ZNF804B: variants seen among roughly 807,000 people sequenced by gnomAD.
ZNF804B encodes the protein zinc finger protein 804B.
In ZNF804B, 80 loss-of-function variants were observed where a neutral mutation model predicts 101.4. That is an observed-to-expected ratio of 0.79 (90% CI 0.66 to 0.95). The LOEUF is 0.95. Among genes scored for constraint, ZNF804B ranks in the 40% least tolerant of loss-of-function variants. ZNF804B has a pLI of 0.00. For synonymous variants in ZNF804B, 622 were observed against 558.8 expected, an observed-to-expected ratio of 1.11 and a Z score of -1.59; for missense variants, 1,673 against 1,561.9, an observed-to-expected ratio of 1.07 and a Z score of -1.20.
chr7:88,845,355 C>G (rs1022569618), intron 1 of ZNF804B, among the ~76,000 whole-genome samples: 21 of 151,828 alleles, frequency 1.4e-4, no homozygotes, highest in African/African-American at 4.6e-4. Flanking sequence ...TATGCCACCT[C>G]TTGTCCACCT....
intron 1 of ZNF804B, among the ~76,000 whole-genome samples, chr7:88,845,299 G>T (rs111850469): frequency 2.2e-5 from 3 of 138,400 alleles, no homozygotes; most frequent in Non-Finnish European, 4.9e-5. Context: ...GCGCACGCGC[G>T]CGCACACACA....
intron 1 of ZNF804B, among the ~76,000 whole-genome samples, chr7:89,092,868 T>C (rs1287028593): frequency 6.6e-6 from 1 of 152,184 alleles, no homozygotes; most frequent in Non-Finnish European, 1.5e-5. Flanking sequence ...TTCCTTTTAT[T>C]GGAGGGTAGT....
At chr7:89,175,651 GCTTTTGGTAGTA>G (rs1791306252) in intron 1 of ZNF804B, among the ~76,000 whole-genome samples, 1 of 149,956 alleles carries the variant, frequency 6.7e-6, no homozygotes, top group Non-Finnish European at 1.5e-5. Context: ...TGTGTAGATT[GCTTTTGGTAGTA>G]TGCACATTTT....
intron 1 of ZNF804B, among the ~76,000 whole-genome samples, chr7:89,093,857 G>A (rs1242115725): frequency 1.3e-5 from 2 of 152,186 alleles, no homozygotes; most frequent in East Asian, 3.9e-4. Flanking sequence ...AGGCATTCAA[G>A]CAAATGACCA....
At position 89,327,518 on chromosome 7, in the gene ZNF804B, C is replaced by G. The variant is rs760899964; in HGVS notation, c.380+44C>G. The G allele has an allele frequency of 1.9e-6, 3 of 1,580,370 alleles. No homozygotes were observed. In the African/African-American group the frequency reaches 4.1e-5, roughly 22 times the overall value. ...TGGGATGCTTCAAAACTCTCGTCAACCTATGGGGAAATTTTAAAGGCAAAT... is the reference window on the plus strand; with the variant it reads ...TGGGATGCTTCAAAACTCTCGTCAAGCTATGGGGAAATTTTAAAGGCAAAT... On this transcript the variant is annotated intron_variant, in intron 3 of 3. Transcript: ENST00000333190.
intron 1 of ZNF804B, among the ~76,000 whole-genome samples, chr7:88,959,593 T>C (rs557510315): frequency 1.3e-5 from 2 of 151,444 alleles, no homozygotes; most frequent in Non-Finnish European, 3.0e-5. Context: ...CTCTGATACC[T>C]GGTTTCTGCC....
intron 2 of ZNF804B, among the ~76,000 whole-genome samples, chr7:89,291,882 G>C (rs188260392): frequency 1.8e-3 from 271 of 152,184 alleles, no homozygotes; most frequent in Non-Finnish European, 2.8e-3. Flanking sequence ...CCTAAAAGCA[G>C]CAAGAGAAAA....
chr7:89,218,689 T>G (rs1788932993), intron 2 of ZNF804B, among the ~76,000 whole-genome samples: 1 of 152,164 alleles, frequency 6.6e-6, no homozygotes, highest in Non-Finnish European at 1.5e-5. Context: ...AGGAAGAAGT[T>G]TACTGTAACA....
chr7:89,190,587 A>G (rs1040409846), intron 1 of ZNF804B, among the ~76,000 whole-genome samples: 2 of 152,146 alleles, frequency 1.3e-5, no homozygotes, highest in Admixed American at 6.6e-5. Context: ...AGGTTTTGAG[A>G]GGTTTCACTC....
intron 1 of ZNF804B, among the ~76,000 whole-genome samples, chr7:88,921,648 G>C (rs945630368): frequency 2.0e-5 from 3 of 152,014 alleles, no homozygotes; most frequent in African/African-American, 7.2e-5. Flanking sequence ...CTTCCCGTGA[G>C]AATGATTACT....
At chr7:88,886,572 T>G (rs1343252955) in intron 1 of ZNF804B, among the ~76,000 whole-genome samples, 1 of 152,094 alleles carries the variant, frequency 6.6e-6, no homozygotes, top group Non-Finnish European at 1.5e-5. Flanking sequence ...TGAGTGCTAA[T>G]ATAACTAATA....
intron 1 of ZNF804B, among the ~76,000 whole-genome samples, chr7:89,178,902 C>G (rs1788248659): frequency 6.6e-6 from 1 of 152,088 alleles, no homozygotes; most frequent in Admixed American, 6.6e-5. Context: ...AAGTCTTTAT[C>G]TCTCCTTCAT....
chr7:88,925,164 A>C (rs1792777399), intron 1 of ZNF804B, among the ~76,000 whole-genome samples: 1 of 152,144 alleles, frequency 6.6e-6, no homozygotes, highest in Non-Finnish European at 1.5e-5. Flanking sequence ...AGCAATAATT[A>C]GATCTTAGAG....
In ZNF804B at chr7:89,122,778, C is replaced by T. The variant is rs369335706; in HGVS notation, c.109-95377C>T. Among the ~76,000 whole-genome samples the T allele has an allele frequency of 1.6e-3, 246 of 152,260 alleles. 1 individual carries two copies. Among genetic ancestry groups the T allele is most frequent in the African/African-American group, 5.3e-3 (222 of 41,554 alleles). On this transcript the variant is annotated intron_variant, in intron 1 of 3. Transcript: ENST00000333190. ...TCTTTACTGTCAATTCACCATGAAT[C>T]GAAGCAAGCTGTGTCTTACCTTCAT...
intron 1 of ZNF804B, among the ~76,000 whole-genome samples, chr7:89,073,607 A>G (rs1019151630): frequency 6.6e-6 from 1 of 152,132 alleles, no homozygotes; most frequent in African/African-American, 2.4e-5. Context: ...ATTCATAAGT[A>G]AAATTAGTCT....
At chr7:89,144,617 T>C (rs942631426) in intron 1 of ZNF804B, among the ~76,000 whole-genome samples, 4 of 151,898 alleles carry the variant, frequency 2.6e-5, no homozygotes, top group African/African-American at 9.7e-5. Flanking sequence ...AGAAATAAGA[T>C]TTAGTGATCT....
chr7:88,852,823 G>A (rs1791466870), intron 1 of ZNF804B, among the ~76,000 whole-genome samples: 2 of 152,052 alleles, frequency 1.3e-5, no homozygotes, highest in Admixed American at 1.3e-4. Context: ...ATTCAATGCA[G>A]GCAGCCTGAC....
rs574769914 is a variant in ZNF804B, at chr7:89,065,064, A to G, written c.109-153091A>G. ...GAAAAAAATCACTAGAATTCCTCTC[A>G]GGGAAGGGTACTGCTTGTGGTCAGA... On this transcript the variant is annotated intron_variant, in intron 1 of 3. Coordinates refer to ENST00000333190, the MANE Select transcript of ZNF804B (RefSeq NM_181646.5). 2.6e-5 allele frequency among the ~76,000 whole-genome samples: 4 copies of G among 152,232 alleles called. No homozygotes were observed. In the South Asian group the frequency reaches 8.3e-4, roughly 32 times the overall value.
At chr7:89,249,052 A>G (rs531584092) in intron 2 of ZNF804B, among the ~76,000 whole-genome samples, 1 of 152,062 alleles carries the variant, frequency 6.6e-6, no homozygotes, top group South Asian at 2.1e-4. Context: ...AAAAGGACAA[A>G]GAAGGGCATT....
Sources: allele counts gnomAD v4.1 joint callset (sites outside exome capture counted in the v4.1 genomes callset), GRCh38; gene constraint gnomAD v4.1.1; transcripts MANE v1.5; gene names NCBI Gene and HGNC (gene_info 2026-07-23, HGNC 2026-07-21).